The following CYS1 variants were observed in gnomAD, a reference collection of about 807,000 sequenced individuals.
CYS1 encodes cystin-1.
In CYS1, 5 loss-of-function variants were observed where a neutral mutation model predicts 9.6. The observed-to-expected ratio is 0.52, with a 90% CI of 0.27 to 1.10. CYS1 has a LOEUF of 1.10. Ranked by LOEUF, CYS1 falls within the 50% of genes least tolerant of loss-of-function variation. The probability of loss-of-function intolerance (pLI) is 0.11; values close to 1 mark genes in which losing one functional copy is unlikely to be tolerated. For missense variants in CYS1, 221 were observed against 207.9 expected (o/e 1.06, Z -0.39); for synonymous variants, 88 against 95.7 (o/e 0.92, Z 0.47).
intron 1 of CYS1, among the ~76,000 whole-genome samples, chr2:10,079,579 G>A (rs1443433842): frequency 6.6e-6 from 1 of 152,008 alleles, no homozygotes; most frequent in African/African-American, 2.4e-5. Flanking sequence ...CACCACCGCC[G>A]GCGCCCCGCT....
At chr2:10,073,014 G>A (rs1369325516) in intron 1 of CYS1, among the ~76,000 whole-genome samples, 1 of 149,570 alleles carries the variant, frequency 6.7e-6, no homozygotes, top group Non-Finnish European at 1.5e-5. Flanking sequence ...ATGTGTGGGA[G>A]CAGAGCAGAT....
intron 1 of CYS1, among the ~76,000 whole-genome samples, chr2:10,075,298 C>T (rs1004305029): frequency 3.3e-5 from 5 of 152,252 alleles, no homozygotes; most frequent in African/African-American, 7.2e-5. Flanking sequence ...CGTGTGCAGA[C>T]GCACTGGAGC....
At chr2:10,077,157 C>A (rs1344205790) in intron 1 of CYS1, among the ~76,000 whole-genome samples, 1 of 152,128 alleles carries the variant, frequency 6.6e-6, no homozygotes, top group Non-Finnish European at 1.5e-5. Flanking sequence ...CCCCTCACCA[C>A]CGCCCGCCAA....
intron 1 of CYS1, among the ~76,000 whole-genome samples, chr2:10,067,878 G>A (rs531196090): frequency 1.3e-5 from 2 of 152,114 alleles, no homozygotes; most frequent in South Asian, 4.1e-4. Context: ...TAACCTTTCT[G>A]CACTGGCTGG....
chr2:10,075,626 T>C (rs1203414057), intron 1 of CYS1, among the ~76,000 whole-genome samples: 1 of 152,172 alleles, frequency 6.6e-6, no homozygotes, highest in Non-Finnish European at 1.5e-5. Context: ...GTGAGTTCCA[T>C]AGCAGCTGCA....
intron 1 of CYS1, among the ~76,000 whole-genome samples, chr2:10,073,195 G>A (rs1231317849): frequency 8.0e-6 from 1 of 125,712 alleles, no homozygotes; most frequent in East Asian, 2.5e-4. Context: ...ACGTGACAAG[G>A]GGCTCTGGGA....
intron 1 of CYS1, among the ~76,000 whole-genome samples, chr2:10,077,487 C>T (rs2125292556): frequency 6.6e-6 from 1 of 152,288 alleles, no homozygotes; most frequent in South Asian, 2.1e-4. Flanking sequence ...AGTTATGAAG[C>T]TATTAAAGGT....
At chr2:10,077,677 T>C (rs1661869228) in intron 1 of CYS1, among the ~76,000 whole-genome samples, 1 of 151,926 alleles carries the variant, frequency 6.6e-6, no homozygotes, top group Non-Finnish European at 1.5e-5. Flanking sequence ...ATACAAAAAT[T>C]AGCTGGCCGT....
chr2:10,069,776 G>C (rs1661741180), intron 1 of CYS1, among the ~76,000 whole-genome samples: 1 of 152,218 alleles, frequency 6.6e-6, no homozygotes, highest in Non-Finnish European at 1.5e-5. Context: ...AATAAGGCCA[G>C]AAAGCAACCT....
chr2:10,072,830 C>T (rs1661788728), intron 1 of CYS1, among the ~76,000 whole-genome samples: 1 of 152,062 alleles, frequency 6.6e-6, no homozygotes, highest in East Asian at 1.9e-4. Context: ...GCTTTGCAGG[C>T]AGCAGAAGCT....
At chr2:10,077,967 G>A (rs945090732) in intron 1 of CYS1, among the ~76,000 whole-genome samples, 12 of 152,048 alleles carry the variant, frequency 7.9e-5, no homozygotes, top group Non-Finnish European at 1.5e-4. Flanking sequence ...AAAATTGGGC[G>A]TGGTGGCAGG....
At chr2:10,074,552 G>C (rs1311254086) in intron 1 of CYS1, among the ~76,000 whole-genome samples, 1 of 152,200 alleles carries the variant, frequency 6.6e-6, no homozygotes, top group East Asian at 1.9e-4. Flanking sequence ...AGGGGAGCTG[G>C]GGAAAGAGTT....
Position 10,079,996 on chromosome 2 carries a change from C to T in CYS1, c.228G>A (p.Glu76=), listed in dbSNP as rs1306735101. ...GRDETLRLLD[E]LLAESAAWGP... is the part of the protein sequence containing the mutation. ...CCCAGGCCGCCGACTCGGCCAGCAG[C>T]TCGTCCAGCAGGCGCAGCGTCTCGT... The change falls in exon 1 of 3, where the codon GAG becomes GAA. Residue 76 remains glutamate, a synonymous_variant. Transcript: ENST00000381813. 3.7e-6 allele frequency: 4 copies of T among 1,092,494 alleles called. No individual in the cohort carries two copies. The highest frequency in any genetic ancestry group is 3.3e-6 in the Non-Finnish European group (3 of 899,782). 67.7% of individuals were successfully genotyped at this position (1,092,494 alleles called of 1,614,324 possible).
At chr2:10,079,217 G>A (rs754584481) in intron 1 of CYS1, among the ~76,000 whole-genome samples, 45 of 152,092 alleles carry the variant, frequency 3.0e-4, no homozygotes, top group Non-Finnish European at 5.9e-4. Flanking sequence ...AGCCACCCAG[G>A]AAGGCATCTT....
rs535722970 is a variant in CYS1 at position 10,073,436 on chromosome 2, A to G, written c.318+6470T>C. Among the ~76,000 whole-genome samples the G allele has an allele frequency of 6.6e-5, 10 of 152,316 alleles. No homozygotes were observed. The South Asian group carries it at 1.4e-3, about 22-fold the overall frequency. ...CCCTCCCACTCCTTGCTGGGCCCCA[A>G]AGTCCTCCGATGTAAATAAGAAGGT... On this transcript the variant is annotated intron_variant, in intron 1 of 2. Coordinates refer to ENST00000381813, the MANE Select transcript of CYS1 (RefSeq NM_001037160.3).
chr2:10,080,031 C>T lies in CYS1; in HGVS notation c.193G>A (p.Asp65Asn), dbSNP rs1363050196. 9.4e-6 allele frequency: 10 copies of T among 1,063,222 alleles called. No individual in the cohort carries two copies. Among genetic ancestry groups the T allele is most frequent in the Non-Finnish European group, 1.1e-5 (10 of 881,246 alleles). The allele number at this position is 1,063,222 out of a possible 1,614,324, so 65.9% of individuals were successfully genotyped here. ...AGGCGCAGCGTCTCGTCCCTGCCGT[C>T]GGGGGGCGCCACGGGGCTGGGGTCG... ...GRDPSPVAPP[D>N]GRDETLRLLD... The change falls in exon 1 of 3, where the codon GAC becomes AAC. Residue 65 changes from aspartate (D) to asparagine (N), a missense_variant. Physicochemically the swap from Asp to Asn is conservative, Grantham distance 23 (BLOSUM62 1). Coordinates refer to ENST00000381813, the MANE Select transcript of CYS1 (RefSeq NM_001037160.3). This position sits in a 1 kb window ranked among gnomAD's most constrained non-coding sequence, Gnocchi z 6.4.
intron 1 of CYS1, among the ~76,000 whole-genome samples, chr2:10,077,997 T>C (rs1159187655): frequency 6.6e-6 from 1 of 150,894 alleles, no homozygotes; most frequent in Non-Finnish European, 1.5e-5. Flanking sequence ...TCCCAGATAC[T>C]CAGAAGGCTG....
chr2:10,079,492 T>C (rs758073192), intron 1 of CYS1, among the ~76,000 whole-genome samples: 2 of 152,116 alleles, frequency 1.3e-5, no homozygotes, highest in Non-Finnish European at 2.9e-5. Context: ...AACATGAGAA[T>C]TGCCTGCCCA....
Position 10,056,989 on chromosome 2 carries a change from A to G in CYS1, c.*1864T>C, listed in dbSNP as rs1017954152. ...TTACTTTGACATTGATATAGCTTGTAACTACTTTTGGAATTTTTTTCCCCT... is the reference window on the plus strand; with the variant it reads ...TTACTTTGACATTGATATAGCTTGTGACTACTTTTGGAATTTTTTTCCCCT... On this transcript the variant is annotated 3_prime_UTR_variant, in exon 3 of 3. Transcript: ENST00000381813. The G allele has an allele frequency of 2.0e-5, 3 of 152,162 alleles. No homozygotes were observed. The highest frequency in any genetic ancestry group is 6.5e-5 in the Admixed American group (1 of 15,278). The allele number at this position is 152,162 out of a possible 1,614,324, so 9.4% of individuals were successfully genotyped here.
Sources: allele counts gnomAD v4.1 joint callset (sites outside exome capture counted in the v4.1 genomes callset), GRCh38; gene constraint gnomAD v4.1.1; non-coding constraint Gnocchi (gnomAD v3.1); transcripts MANE v1.5; gene names NCBI Gene and HGNC (gene_info 2026-07-23, HGNC 2026-07-21).